ATXN1: variants seen among roughly 807,000 people sequenced by gnomAD.
The protein encoded by ATXN1 is ataxin-1.
Under a neutral mutation model 56.4 loss-of-function variants are expected in ATXN1, and 8 were observed. The ratio of observed to expected loss-of-function variants is 0.14; its 90% CI spans 0.08 to 0.26. The LOEUF is 0.26. Among genes scored for constraint, ATXN1 ranks in the 10% least tolerant of loss-of-function variants. The probability of loss-of-function intolerance (pLI) is 1.00; values close to 1 mark genes in which losing one functional copy is unlikely to be tolerated. For synonymous variants in ATXN1, 514 were observed against 494.6 expected, an observed-to-expected ratio of 1.04 and a Z score of -0.52; for missense variants, 987 against 1,106.5, an observed-to-expected ratio of 0.89 and a Z score of 1.53.
At chr6:16,637,674 T>C (rs894098704) in intron 3 of ATXN1, among the ~76,000 whole-genome samples, 1 of 152,180 alleles carries the variant, frequency 6.6e-6, no homozygotes, top group African/African-American at 2.4e-5. Context: ...AAAATAGCTA[T>C]TAAATTAATT....
chr6:16,635,252 T>C (rs1033110374), intron 3 of ATXN1, among the ~76,000 whole-genome samples: 9 of 152,198 alleles, frequency 5.9e-5, no homozygotes, highest in Non-Finnish European at 1.3e-4. Flanking sequence ...GACCGTTTTG[T>C]TGCAGGAAAA....
intron 2 of ATXN1, among the ~76,000 whole-genome samples, chr6:16,730,487 G>GTGTATGTATATATATATATATA (rs141836403): frequency 1.2e-4 from 16 of 132,058 alleles, no homozygotes; most frequent in Non-Finnish European, 2.0e-4. Flanking sequence ...AAAACAGTAT[G>GTGTATGTATATATATATATATA]TATATATATA....
intron 2 of ATXN1, among the ~76,000 whole-genome samples, chr6:16,748,893 A>G (rs1332672864): frequency 1.3e-5 from 2 of 152,110 alleles, no homozygotes; most frequent in African/African-American, 4.8e-5. Flanking sequence ...CTCTCATTAC[A>G]TTAAATCAGA....
At chr6:16,450,646 T>A (rs1759735150) in intron 6 of ATXN1, among the ~76,000 whole-genome samples, 1 of 152,196 alleles carries the variant, frequency 6.6e-6, no homozygotes, top group South Asian at 2.1e-4. Context: ...TTCTGAAGAT[T>A]CCTTAATATC....
intron 7 of ATXN1, among the ~76,000 whole-genome samples, chr6:16,312,589 G>A (rs1220912363): frequency 2.0e-5 from 3 of 152,028 alleles, no homozygotes; most frequent in Admixed American, 6.5e-5. Context: ...GGTGGCTCAC[G>A]CCTGTAATCC....
At chr6:16,532,005 G>T (rs1291903806) in intron 4 of ATXN1, among the ~76,000 whole-genome samples, 1 of 152,114 alleles carries the variant, frequency 6.6e-6, no homozygotes, top group Non-Finnish European at 1.5e-5. Context: ...AGGCTGTGTG[G>T]GCCAGACATC....
intron 6 of ATXN1, among the ~76,000 whole-genome samples, chr6:16,374,958 T>A (rs551303588): frequency 6.6e-6 from 1 of 152,340 alleles, no homozygotes; most frequent in South Asian, 2.1e-4. Flanking sequence ...CTGACTGACT[T>A]TGCGGCAGCA....
At chr6:16,753,800 A>C (rs2113537661) in intron 1 of ATXN1, among the ~76,000 whole-genome samples, 1 of 152,360 alleles carries the variant, frequency 6.6e-6, no homozygotes, top group South Asian at 2.1e-4. Context: ...GAAAGTGCAC[A>C]GCTATTAGCA....
At position 16,439,337 on chromosome 6, in the gene ATXN1, GCGGGGGGGGGGGGGGGGGGGGGGCGGGGC is replaced by G. The variant is rs1346051029; in HGVS notation, c.-161+46606_-161+46634del. Among the ~76,000 whole-genome samples, 23 of 8,506 alleles carry G rather than the reference GCGGGGGGGGGGGGGGGGGGGGGGCGGGGC, an allele frequency of 2.7e-3. 2 individuals are homozygous for G. The East Asian group carries it at 0.074, about 27-fold the overall frequency. The allele number at this position is 8,506 out of a possible 152,430, so 5.6% of individuals were successfully genotyped here. On this transcript the variant is annotated intron_variant, in intron 6 of 7. Coordinates refer to ENST00000436367, the MANE Select transcript of ATXN1 (RefSeq NM_001128164.2). ...TTTTCAGAGCTAGAGACTTCTTTTC[GCGGGGGGGGGGGGGGGGGGGGGGCGGGGC>G]CGGGGGCGGGGCGGGAATAAGGGTT... is the stretch of plus-strand genomic sequence containing the variant.
chr6:16,718,294 G>C (rs1399312572), intron 2 of ATXN1, among the ~76,000 whole-genome samples: 1 of 152,218 alleles, frequency 6.6e-6, no homozygotes, highest in Non-Finnish European at 1.5e-5. Context: ...CAAAATGAAA[G>C]AGCATTCCAG....
At chr6:16,519,640 C>T (rs536130519) in intron 5 of ATXN1, among the ~76,000 whole-genome samples, 2 of 152,290 alleles carry the variant, frequency 1.3e-5, no homozygotes, top group East Asian at 1.9e-4. Context: ...CAGCTGACCA[C>T]GATGCCCAGG....
chr6:16,512,718 A>G (rs1230463759), intron 5 of ATXN1, among the ~76,000 whole-genome samples: 1 of 152,162 alleles, frequency 6.6e-6, no homozygotes, highest in African/African-American at 2.4e-5. Context: ...CAACAGCAAC[A>G]AACAGTCATT....
At chr6:16,726,549 G>C (rs2113477725) in intron 2 of ATXN1, among the ~76,000 whole-genome samples, 1 of 152,086 alleles carries the variant, frequency 6.6e-6, no homozygotes, top group East Asian at 1.9e-4. Context: ...AAGACCTCTT[G>C]CACCCAATTA....
intron 2 of ATXN1, among the ~76,000 whole-genome samples, chr6:16,748,533 G>C (rs907048172): frequency 6.6e-6 from 1 of 152,192 alleles, no homozygotes; most frequent in African/African-American, 2.4e-5. Flanking sequence ...TTCCTCGCCT[G>C]TGCAATGGAG....
intron 2 of ATXN1, among the ~76,000 whole-genome samples, chr6:16,730,487 G>GTGTGTGTATATATATATA (rs141836403): frequency 5.3e-5 from 7 of 132,060 alleles, no homozygotes; most frequent in African/African-American, 1.9e-4. Flanking sequence ...AAAACAGTAT[G>GTGTGTGTATATATATATA]TATATATATA....
chr6:16,585,493 T>C (rs944447275), intron 4 of ATXN1, among the ~76,000 whole-genome samples: 1 of 152,232 alleles, frequency 6.6e-6, no homozygotes, highest in Non-Finnish European at 1.5e-5. Context: ...AGTGAATTTA[T>C]AAATCTATAA....
intron 4 of ATXN1, among the ~76,000 whole-genome samples, chr6:16,528,752 C>T (rs1282705237): frequency 5.9e-5 from 9 of 152,100 alleles, no homozygotes; most frequent in East Asian, 1.9e-4. Flanking sequence ...AGAAAAGTAA[C>T]CTAACCAAGG....
intron 6 of ATXN1, among the ~76,000 whole-genome samples, chr6:16,476,998 CA>C: frequency 6.6e-6 from 1 of 152,348 alleles, no homozygotes; most frequent in South Asian, 2.1e-4. Flanking sequence ...ATTGAGACTA[CA>C]AAAACTCTTT....
intron 6 of ATXN1, among the ~76,000 whole-genome samples, chr6:16,454,444 C>T (rs148078711): frequency 4.3e-4 from 65 of 152,254 alleles, no homozygotes; most frequent in Non-Finnish European, 6.3e-4. Context: ...GGCTCTGTAG[C>T]CTCAGGGGTC....
Sources: gnomAD v4.1 joint callset for allele counts (sites outside exome capture counted in the v4.1 genomes callset) on GRCh38, gnomAD v4.1.1 for gene constraint, MANE v1.5 for transcripts, NCBI Gene and HGNC (gene_info 2026-07-23, HGNC 2026-07-21) for gene names.